ROBO1: variants seen among roughly 807,000 people sequenced by gnomAD.
The protein encoded by ROBO1 is roundabout homolog 1.
In ROBO1, 149 loss-of-function variants were observed where a neutral mutation model predicts 195.9. The ratio of observed to expected loss-of-function variants is 0.76; its 90% CI spans 0.67 to 0.87. ROBO1 has a LOEUF of 0.87. ROBO1 is among the 40% of genes least tolerant of loss of function. The probability of loss-of-function intolerance (pLI) is 0.00; values close to 1 mark genes in which losing one functional copy is unlikely to be tolerated. For synonymous variants in ROBO1, 816 were observed against 733.2 expected, an observed-to-expected ratio of 1.11 and a Z score of -1.82; for missense variants, 1,933 against 2,068.3, an observed-to-expected ratio of 0.93 and a Z score of 1.27.
intron 3 of ROBO1, among the ~76,000 whole-genome samples, chr3:79,087,607 A>G (rs2079397365): frequency 7.1e-6 from 1 of 141,176 alleles, no homozygotes. Flanking sequence ...TTCTCTCTCC[A>G]TCCCTGCTTT....
At chr3:78,692,032 T>C (rs942183804) in intron 8 of ROBO1, among the ~76,000 whole-genome samples, 2 of 151,302 alleles carry the variant, frequency 1.3e-5, no homozygotes, top group African/African-American at 4.8e-5. Flanking sequence ...TAAAATTATA[T>C]AATATAGATT....
rs548204637 is a variant in ROBO1 at position 78,633,964 on chromosome 3, T to A, written c.3452A>T (p.Asn1151Ile). ...SYDQNTGGSY[N>I]SSDRGSSTSG... ...TGTACTACTGCCCCGGTCTGAGCTGTTGTAGGATCCTCCTGTGTTCTGGTC... is the reference window on the plus strand; with the variant it reads ...TGTACTACTGCCCCGGTCTGAGCTGATGTAGGATCCTCCTGTGTTCTGGTC... Residue 1151 changes from asparagine to isoleucine, a missense_variant, in exon 24 of 31, where the codon AAC becomes ATC. By Grantham distance (149) the Asn-to-Ile change is moderately radical. Transcript: ENST00000464233. The A allele has an allele frequency of 1.2e-6, 2 of 1,612,606 alleles. No individual in the cohort carries two copies. Among genetic ancestry groups the A allele is most frequent in the Admixed American group, 1.7e-5 (1 of 59,882 alleles).
chr3:78,614,943 C>T (rs1027833), intron 27 of ROBO1, 143 bp from the exon 28 acceptor site: 343,874 of 766,770 alleles, frequency 0.45, 79,499 homozygotes, highest in Admixed American at 0.57. Context: ...CAAACTCTTC[C>T]AGCAAATAAC....
intron 2 of ROBO1, among the ~76,000 whole-genome samples, chr3:79,448,417 C>T (rs903327485): frequency 1.3e-5 from 2 of 152,062 alleles, no homozygotes; most frequent in African/African-American, 4.8e-5. Flanking sequence ...TAATTCTATT[C>T]ATTTATCTTT....
intron 4 of ROBO1, among the ~76,000 whole-genome samples, chr3:78,878,963 C>G (rs1201998858): frequency 2.0e-5 from 3 of 152,144 alleles, no homozygotes; most frequent in Non-Finnish European, 4.4e-5. Flanking sequence ...TATTTTGTGT[C>G]AATATTATCC....
chr3:79,153,479 T>C (rs2108644217), intron 2 of ROBO1, among the ~76,000 whole-genome samples: 1 of 151,798 alleles, frequency 6.6e-6, no homozygotes, highest in East Asian at 1.9e-4. Context: ...CCACAGATAA[T>C]AATCAGCAAA....
intron 4 of ROBO1, 136 bp from the exon 5 acceptor site, chr3:78,747,036 A>G (rs1489293457): frequency 6.3e-6 from 3 of 474,842 alleles, no homozygotes; most frequent in Admixed American, 4.1e-5. Flanking sequence ...TTAAGAATCT[A>G]TATCTACTTA....
intron 2 of ROBO1, among the ~76,000 whole-genome samples, chr3:79,164,121 G>C (rs1176298948): frequency 6.6e-6 from 1 of 152,062 alleles, no homozygotes; most frequent in Non-Finnish European, 1.5e-5. Flanking sequence ...TGGTCCAAGG[G>C]TGGGGGAACT....
At chr3:78,677,158 G>C (rs1344996614) in intron 10 of ROBO1, among the ~76,000 whole-genome samples, 1 of 152,150 alleles carries the variant, frequency 6.6e-6, no homozygotes, top group Non-Finnish European at 1.5e-5. Flanking sequence ...TGCCCTAAAA[G>C]AGCTCCTGAA....
At chr3:78,740,430 C>G in intron 5 of ROBO1, among the ~76,000 whole-genome samples, 1 of 143,204 alleles carries the variant, frequency 7.0e-6, no homozygotes, top group Non-Finnish European at 1.5e-5. Context: ...TAAAAAGCAA[C>G]TTATTTCTTA....
chr3:78,616,922 A>T (rs1704145486), intron 27 of ROBO1, among the ~76,000 whole-genome samples: 1 of 152,180 alleles, frequency 6.6e-6, no homozygotes, highest in Admixed American at 6.5e-5. Flanking sequence ...AAAGATGAAT[A>T]TATGGTAATT....
At position 78,661,078 on chromosome 3, in the gene ROBO1, A is replaced by G. The variant is rs372779811; in HGVS notation, c.2272T>C (p.Phe758Leu). ...EIKARPFFNE[F>L]QGADSEIKFA... Reference sequence around the variant, plus strand: ...TTGATTTCACTATCTGCTCCTTGAAATTCATTAAAAAAAGGGCGAGCCTTA... The same window carrying G: ...TTGATTTCACTATCTGCTCCTTGAAGTTCATTAAAAAAAGGGCGAGCCTTA... Residue 758 changes from phenylalanine (F) to leucine (L), a missense_variant, in exon 16 of 31, where the codon TTT becomes CTT. By Grantham distance (22) the Phe-to-Leu change is conservative. This residue lies in a region of ROBO1 where 1,737 missense variants were observed against 1,882.5 expected (regional missense o/e 0.92). Transcript: ENST00000464233. 3.2e-5 allele frequency: 51 copies of G among 1,613,360 alleles called. No homozygotes were observed. The highest frequency in any genetic ancestry group is 4.2e-5 in the Non-Finnish European group (50 of 1,179,666).
chr3:79,261,587 T>G (rs570389295), intron 2 of ROBO1, among the ~76,000 whole-genome samples: 1 of 152,154 alleles, frequency 6.6e-6, no homozygotes, highest in African/African-American at 2.4e-5. Context: ...CTTAAGAGCT[T>G]GCATTAAATC....
intron 2 of ROBO1, among the ~76,000 whole-genome samples, chr3:79,577,153 AAT>A (rs199651382): frequency 2.6e-4 from 40 of 151,462 alleles, no homozygotes; most frequent in Admixed American, 2.7e-4. Context: ...AAAATAAAAA[AAT>A]GTTATTTGTA....
intron 2 of ROBO1, among the ~76,000 whole-genome samples, chr3:79,497,679 T>C (rs977021197): frequency 1.3e-5 from 2 of 152,198 alleles, no homozygotes; most frequent in Admixed American, 6.5e-5. Flanking sequence ...TCTTGGCACA[T>C]GTTGCCCTCT....
At chr3:79,412,782 G>A (rs764409293) in intron 2 of ROBO1, among the ~76,000 whole-genome samples, 6 of 148,086 alleles carry the variant, frequency 4.1e-5, no homozygotes, top group Non-Finnish European at 7.4e-5. Context: ...CATCTGCAAT[G>A]CATCATAAAC....
At chr3:79,640,699 C>T (rs1444118427) in intron 1 of ROBO1, among the ~76,000 whole-genome samples, 17 of 152,220 alleles carry the variant, frequency 1.1e-4, no homozygotes, top group Admixed American at 1.1e-3. Context: ...CTACATTGAC[C>T]TCATGCTACT....
intron 20 of ROBO1, among the ~76,000 whole-genome samples, chr3:78,647,097 G>GGT (rs1706343337): frequency 6.6e-6 from 1 of 151,940 alleles, no homozygotes; most frequent in South Asian, 2.1e-4. Context: ...TTTTCCTGGA[G>GGT]GTGATATGAC....
chr3:79,096,554 A>G (rs748770470), intron 3 of ROBO1, among the ~76,000 whole-genome samples: 4 of 151,724 alleles, frequency 2.6e-5, no homozygotes, highest in Middle Eastern at 6.3e-3. Flanking sequence ...CATTTCAGGC[A>G]AACTGAAGGT....
Sources: allele counts gnomAD v4.1 joint callset (sites outside exome capture counted in the v4.1 genomes callset), GRCh38; gene constraint gnomAD v4.1.1; regional missense constraint gnomAD v4.1.1; transcripts MANE v1.5; gene names NCBI Gene and HGNC (gene_info 2026-07-23, HGNC 2026-07-21).